Variants in IGSF8 observed in about 807,000 individuals in gnomAD.
IGSF8 encodes the protein CD81 partner 3.
IGSF8 carries 46 observed loss-of-function variants against 55.5 expected under a neutral mutation model. The ratio of observed to expected loss-of-function variants is 0.83; its 90% confidence interval spans 0.65 to 1.06. IGSF8 has a LOEUF of 1.06. Ranked by LOEUF, IGSF8 falls within the 50% of genes least tolerant of loss-of-function variation. The probability of loss-of-function intolerance (pLI) is 0.00; values close to 1 mark genes in which losing one functional copy is unlikely to be tolerated. For synonymous variants in IGSF8, 314 were observed against 356.1 expected (o/e 0.88, Z 1.33); for missense variants, 731 against 832.3 (o/e 0.88, Z 1.50).
rs746993145 is a variant in IGSF8, at chr1:160,093,828, T to C, written c.786A>G (p.Ala262=). 8 of 1,614,032 alleles carry C rather than the reference T, an allele frequency of 5.0e-6. No homozygotes were observed. The highest frequency in any genetic ancestry group is 1.1e-5 in the South Asian group (1 of 91,082). ...TGCAGTGGTAGGTGCCTGCGTCCCC[T>C]GCCTGGGCACCCCCTACTACCATGC... is the stretch of plus-strand genomic sequence containing the variant. ...RYRMVVGGAQ[A]GDAGTYHCTA... Residue 262 remains alanine (A), a synonymous_variant, in exon 3 of 7, where the codon GCA becomes GCG. Coordinates refer to ENST00000314485, the MANE Select transcript of IGSF8 (RefSeq NM_052868.6).
Position 160,092,545 on chromosome 1 carries a change from T to A in IGSF8, c.1463A>T (p.Glu488Val), listed in dbSNP as rs1325385689. 1 of 1,611,854 alleles carries A rather than the reference T, an allele frequency of 6.2e-7. No individual in the cohort carries two copies. Among genetic ancestry groups the A allele is most frequent in the East Asian group, 2.2e-5 (1 of 44,868 alleles). The change falls in exon 5 of 7, where the codon GAG becomes GTG. Residue 488 changes from glutamate (E) to valine (V), a missense_variant. Transcript: ENST00000314485. ...CAGCTGGGCAGGGACAGAGCTGAGC[T>A]CTCCGTCCTCTGGTCGCTCCACCCA... ...SWWVERPEDG[E>V]LSSVPAQLVG... is the part of the protein sequence containing the mutation.
At position 160,094,191 on chromosome 1, in the gene IGSF8, TGAGG is replaced by T; in HGVS notation, c.443-24_443-21del. 1 of 1,526,320 alleles carries T rather than the reference TGAGG, an allele frequency of 6.6e-7. No individual in the cohort carries two copies. The highest frequency in any genetic ancestry group is 8.9e-7 in the Non-Finnish European group (1 of 1,124,420). The allele number at this position is 1,526,320 out of a possible 1,614,324, so 94.5% of individuals were successfully genotyped here. ...GAAGAACTGGAGAGAACAGCTGGAG[TGAGG>T]GAGGGCTGGGAGCTGGCAGCCCTTG... On this transcript the variant is annotated intron_variant, in intron 2 of 6. Coordinates refer to ENST00000314485, the MANE Select transcript of IGSF8 (RefSeq NM_052868.6). This position sits in a 1 kb window ranked among gnomAD's most constrained non-coding sequence, Gnocchi z 4.0.
chr1:160,093,279 C>T lies in IGSF8; in HGVS notation c.957G>A (p.Gly319=), dbSNP rs2101958173. The change falls in exon 4 of 7, where the codon GGG becomes GGA. Residue 319 remains glycine (G), a synonymous_variant. Coordinates refer to ENST00000314485, the MANE Select transcript of IGSF8 (RefSeq NM_052868.6). ...VGPGERRIGP[G]EPLELLCNVS... is the part of the protein sequence containing the mutation. ...CATTGCACAGCAGTTCCAAGGGCTCCCCTGGGCCGATCCGACGTTCACCAG... is the reference window on the plus strand; with the variant it reads ...CATTGCACAGCAGTTCCAAGGGCTCTCCTGGGCCGATCCGACGTTCACCAG... 1 of 1,608,390 alleles carries T rather than the reference C, an allele frequency of 6.2e-7. No homozygotes were observed. The highest frequency in any genetic ancestry group is 2.2e-5 in the East Asian group (1 of 44,706).
Position 160,094,975 on chromosome 1 carries a change from G to A in IGSF8, c.336C>T (p.Leu112=). The part of the protein sequence containing the change: ...VQRLQGDAVV[L]KIARLQAQDA... ...CCTGGGCCTGCAGGCGGGCAATCTT[G>A]AGCACCACGGCATCACCTTGTAGGC... is the stretch of plus-strand genomic sequence containing the variant. Residue 112 remains leucine, a synonymous_variant, in exon 2 of 7, where the codon CTC becomes CTT. Coordinates refer to ENST00000314485, the MANE Select transcript of IGSF8 (RefSeq NM_052868.6). This position sits in a 1 kb window ranked among gnomAD's most constrained non-coding sequence, Gnocchi z 4.0. 1.2e-6 allele frequency: 2 copies of A among 1,614,074 alleles called. No homozygotes were observed. Among genetic ancestry groups the A allele is most frequent in the Non-Finnish European group, 1.7e-6 (2 of 1,180,024 alleles).
intron 3 of IGSF8, among the ~76,000 whole-genome samples, 183 bp downstream of exon 3, chr1:160,093,527 A>G (rs183740061): frequency 3.3e-5 from 5 of 152,162 alleles, no homozygotes; most frequent in Non-Finnish European, 5.9e-5. Context: ...TCTATACCCA[A>G]TTTCTGAGCA....
Position 160,098,568 on chromosome 1 carries a change from C to A in IGSF8, c.-96G>T. The A allele has an allele frequency of 1.2e-6, 1 of 831,060 alleles. No homozygotes were observed. Among genetic ancestry groups the A allele is most frequent in the Non-Finnish European group, 1.8e-6 (1 of 546,420 alleles). The allele number at this position is 831,060 out of a possible 1,614,324, so 51.5% of individuals were successfully genotyped here. A position where few individuals can be genotyped will look rare whatever the true frequency, so the allele number is the denominator to read the frequency against. On this transcript the variant is annotated 5_prime_UTR_variant, in exon 1 of 7. Transcript: ENST00000314485. ...GCATGCCCAGGTTGAGGGCAGGAAGCGGGGCAGCGAGGCGTGGGTGCGCCG... is the reference window on the plus strand; with the variant it reads ...GCATGCCCAGGTTGAGGGCAGGAAGAGGGGCAGCGAGGCGTGGGTGCGCCG...
At position 160,098,577 on chromosome 1, in the gene IGSF8, G is replaced by A; in HGVS notation, c.-105C>T. 2 of 740,384 alleles carry A rather than the reference G, an allele frequency of 2.7e-6. No homozygotes were observed. The highest frequency in any genetic ancestry group is 1.8e-5 in the South Asian group (1 of 54,158). The allele number at this position is 740,384 out of a possible 1,614,324, so 45.9% of individuals were successfully genotyped here. A position where few individuals can be genotyped will look rare whatever the true frequency, so the allele number is the denominator to read the frequency against. On this transcript the variant is annotated 5_prime_UTR_variant, in exon 1 of 7. Coordinates refer to ENST00000314485, the MANE Select transcript of IGSF8 (RefSeq NM_052868.6). Reference sequence around the variant, plus strand: ...GGTTGAGGGCAGGAAGCGGGGCAGCGAGGCGTGGGTGCGCCGAGCGAGCTG... The same window carrying A: ...GGTTGAGGGCAGGAAGCGGGGCAGCAAGGCGTGGGTGCGCCGAGCGAGCTG...
intron 3 of IGSF8, 56 bp downstream of exon 3, chr1:160,093,654 C>G: frequency 1.5e-5 from 21 of 1,420,414 alleles, no homozygotes; most frequent in Non-Finnish European, 1.9e-5. Flanking sequence ...GCCACAGTGC[C>G]CACCAGGATA....
chr1:160,097,696 C>G (rs1403754579), intron 1 of IGSF8: 2 of 985,326 alleles, frequency 2.0e-6, no homozygotes, highest in Non-Finnish European at 1.2e-6. Context: ...CAGAACACCC[C>G]ACCATGAACA....
chr1:160,094,090 G>C lies in IGSF8; in HGVS notation c.524C>G (p.Thr175Arg), dbSNP rs2295620. The C allele has an allele frequency of 1.2e-5, 20 of 1,612,036 alleles. No individual in the cohort carries two copies. Among genetic ancestry groups the C allele is most frequent in the Non-Finnish European group, 1.6e-5 (19 of 1,179,938 alleles). Residue 175 changes from threonine (T) to arginine (R), a missense_variant, in exon 3 of 7, where the codon ACG (threonine) becomes AGG (arginine). Thr to Arg is a moderately conservative substitution (Grantham distance 71). Transcript: ENST00000314485. This position sits in a 1 kb window ranked among gnomAD's most constrained non-coding sequence, Gnocchi z 4.0. ...RQAPTSPPRMTVHEGQELALG... is the reference protein window; with the variant it reads ...RQAPTSPPRMRVHEGQELALG... ...TGCCAGCTCCTGCCCCTCATGCACCGTCATGCGTGGGGGTGAGGTTGGGGC... is the reference window on the plus strand; with the variant it reads ...TGCCAGCTCCTGCCCCTCATGCACCCTCATGCGTGGGGGTGAGGTTGGGGC...
rs1235475869 is a variant in IGSF8 at position 160,091,565 on chromosome 1, G to A, written c.*59C>T. On this transcript the variant is annotated 3_prime_UTR_variant, in exon 7 of 7. Transcript: ENST00000314485. ...GGAGAGGGTGTCCAGGCAACCAGAG[G>A]AGGGCTTGGAGCTGGGCCGGAAGAC... 3 of 474,240 alleles carry A rather than the reference G, an allele frequency of 6.3e-6. No individual in the cohort carries two copies. Among genetic ancestry groups the A allele is most frequent in the Non-Finnish European group, 1.2e-5 (3 of 260,856 alleles). The allele number at this position is 474,240 out of a possible 1,614,324, so 29.4% of individuals were successfully genotyped here.
rs533847919 is a variant in IGSF8 at position 160,092,648 on chromosome 1, G to A, written c.1360C>T (p.Arg454Cys). Residue 454 changes from arginine (R) to cysteine (C), a missense_variant, in exon 5 of 7, where the codon CGC becomes TGC. Coordinates refer to ENST00000314485, the MANE Select transcript of IGSF8 (RefSeq NM_052868.6). ...VAWLAGGTVY[R>C]GETASLLCNI... Reference sequence around the variant, plus strand: ...CACAGCAGGGAGGCAGTCTCCCCGCGGTACACTGTGCCTCCTGCTAGCCAT... The same window carrying A: ...CACAGCAGGGAGGCAGTCTCCCCGCAGTACACTGTGCCTCCTGCTAGCCAT... 47 of 1,601,568 alleles carry A rather than the reference G, an allele frequency of 2.9e-5. No homozygotes were observed. The South Asian group carries it at 3.8e-4, about 13-fold the overall frequency.
Position 160,093,870 on chromosome 1 carries a change from T to C in IGSF8, c.744A>G (p.Glu248=), listed in dbSNP as rs1650211128. Residue 248 remains glutamate (E), a synonymous_variant, in exon 3 of 7, where the codon GAA becomes GAG. Coordinates refer to ENST00000314485, the MANE Select transcript of IGSF8 (RefSeq NM_052868.6). ...LAAGELRLGK[E]GTDRYRMVVG... is the part of the protein sequence containing the mutation. ...CTACCATGCGGTACCGATCGGTCCC[T>C]TCCTTGCCCAGACGAAGCTCCCCTG... The C allele has an allele frequency of 1.2e-5, 20 of 1,614,096 alleles. No homozygotes were observed. Among genetic ancestry groups the C allele is most frequent in the Non-Finnish European group, 1.7e-5 (20 of 1,180,032 alleles).
intron 1 of IGSF8, among the ~76,000 whole-genome samples, chr1:160,096,516 A>G (rs1650446791): frequency 6.6e-6 from 1 of 152,116 alleles, no homozygotes; most frequent in Non-Finnish European, 1.5e-5. Context: ...AATGCCCAGG[A>G]GTCTGTGGTC....
chr1:160,096,074 C>G (rs547556337), intron 1 of IGSF8, among the ~76,000 whole-genome samples: 2 of 152,268 alleles, frequency 1.3e-5, no homozygotes, highest in Admixed American at 6.5e-5. Flanking sequence ...CACTAAATCC[C>G]CAGCTGCCCC....
rs1649937523 is a variant in IGSF8 at position 160,091,355 on chromosome 1, A to G, written c.*269T>C. The G allele has an allele frequency of 6.3e-6, 1 of 157,728 alleles. No homozygotes were observed. The highest frequency in any genetic ancestry group is 1.3e-5 in the Non-Finnish European group (1 of 76,520). 9.8% of individuals were successfully genotyped at this position (157,728 alleles called of 1,614,324 possible). Reference sequence around the variant, plus strand: ...CAGCCAAGCCTGCTTTTTATAAAACAAGTTTATTCACATTTTAGAAAAACT... The same window carrying G: ...CAGCCAAGCCTGCTTTTTATAAAACGAGTTTATTCACATTTTAGAAAAACT... On this transcript the variant is annotated 3_prime_UTR_variant, in exon 7 of 7. Transcript: ENST00000314485.
At chr1:160,098,120 G>A (rs1485757885) in intron 1 of IGSF8, among the ~76,000 whole-genome samples, 1 of 152,282 alleles carries the variant, frequency 6.6e-6, no homozygotes, top group Non-Finnish European at 1.5e-5. Context: ...CAGTACGTGG[G>A]TATGCTAGCT....
Position 160,098,393 on chromosome 1 carries a change from C to T in IGSF8, c.64+16G>A, listed in dbSNP as rs1229812992. On this transcript the variant is annotated intron_variant, in intron 1 of 6. Coordinates refer to ENST00000314485, the MANE Select transcript of IGSF8 (RefSeq NM_052868.6). ...TGCCCGGCAGGGCCGGGAACCGGAA[C>T]GGGGGCCTGGCTTACCTAGCATTAG... 6.4e-7 allele frequency: 1 copy of T among 1,551,772 alleles called. No individual in the cohort carries two copies. The highest frequency in any genetic ancestry group is 8.7e-7 in the Non-Finnish European group (1 of 1,146,910).
chr1:160,093,338 C>A lies in IGSF8; in HGVS notation c.905-7G>T. 2 of 1,576,398 alleles carry A rather than the reference C, an allele frequency of 1.3e-6. No individual in the cohort carries two copies. The highest frequency in any genetic ancestry group is 8.7e-7 in the Non-Finnish European group (1 of 1,153,768). ...GTCACTGCCAGCTGGCTGGCTGAAA[C>A]ACAGGTAGGGGAAGAGGTGTCATGG... On this transcript the variant is annotated splice_polypyrimidine_tract_variant and splice_region_variant and intron_variant, in intron 3 of 6. Coordinates refer to ENST00000314485, the MANE Select transcript of IGSF8 (RefSeq NM_052868.6).
Sources: gnomAD v4.1 joint callset for allele counts (sites outside exome capture counted in the v4.1 genomes callset) on GRCh38, gnomAD v4.1.1 for gene constraint, Gnocchi (gnomAD v3.1) non-coding constraint, MANE v1.5 for transcripts, NCBI Gene and HGNC (gene_info 2026-07-23, HGNC 2026-07-21) for gene names.